TGIF2: variants seen among roughly 807,000 people sequenced by gnomAD.
TGIF2 encodes the protein homeobox protein TGIF2.
A neutral mutation model predicts 15.1 loss-of-function variants in TGIF2; 5 were observed. The ratio of observed to expected loss-of-function variants is 0.33; its 90% CI spans 0.17 to 0.70. The LOEUF (loss-of-function observed/expected upper bound fraction) is 0.70. Among genes scored for constraint, TGIF2 ranks in the 30% least tolerant of loss-of-function variants. The pLI, the probability that TGIF2 is intolerant of heterozygous loss-of-function variation, is 0.67. For synonymous variants in TGIF2, 131 were observed against 128.9 expected (o/e 1.02, Z -0.11); for missense variants, 264 against 302.5 (o/e 0.87, Z 0.94).
At chr20:36,581,532 C>A (rs1569532258) in intron 2 of TGIF2, among the ~76,000 whole-genome samples, 1 of 152,198 alleles carries the variant, frequency 6.6e-6, no homozygotes, top group Non-Finnish European at 1.5e-5. Context: ...GCACCTCACC[C>A]TGTCCTGTCA....
rs777025924 is a variant in TGIF2 at position 36,591,004 on chromosome 20, G to A, written c.287G>A (p.Arg96His). The A allele has an allele frequency of 4.4e-6, 7 of 1,592,234 alleles. No individual in the cohort carries two copies. The highest frequency in any genetic ancestry group is 3.4e-5 in the Admixed American group (2 of 58,506). ...KDPNQFTISR[R>H]GGKASDVALP... is the part of the protein sequence containing the mutation. ...CCTAATCAGTTTACCATTTCCCGCC[G>A]CGGGGGTAAGGCCTCAGATGTGGCC... The change falls in exon 3 of 3, where the codon CGC becomes CAC. Residue 96 changes from arginine (R) to histidine (H), a missense_variant. Coordinates refer to ENST00000373872, the MANE Select transcript of TGIF2 (RefSeq NM_021809.7). The surrounding 1 kb of genome is among the most constrained non-coding windows in gnomAD (Gnocchi z 5.3).
At chr20:36,587,322 C>CTGT (rs1248039579) in intron 2 of TGIF2, among the ~76,000 whole-genome samples, 1 of 152,156 alleles carries the variant, frequency 6.6e-6, no homozygotes, top group Non-Finnish European at 1.5e-5. Flanking sequence ...TTCTTGAACC[C>CTGT]TCAGCCAAAG....
At chr20:36,577,052 G>A (rs1279783655) in intron 1 of TGIF2, among the ~76,000 whole-genome samples, 1 of 151,446 alleles carries the variant, frequency 6.6e-6, no homozygotes, top group African/African-American at 2.4e-5. Flanking sequence ...TAATTATGTC[G>A]TCCAGGTTGA....
chr20:36,590,827 G>A, intron 2 of TGIF2, 83 bp from the exon 3 acceptor site: 2 of 1,422,728 alleles, frequency 1.4e-6, no homozygotes, highest in South Asian at 3.4e-5. Context: ...CCAAAGTGTT[G>A]GGATTACAGG....
intron 2 of TGIF2, among the ~76,000 whole-genome samples, chr20:36,579,726 C>T (rs1307785771): frequency 6.6e-6 from 1 of 152,168 alleles, no homozygotes; most frequent in Non-Finnish European, 1.5e-5. Context: ...TCCAGTTCTG[C>T]CTCACGTCTT....
At chr20:36,582,895 C>T (rs76748346) in intron 2 of TGIF2, among the ~76,000 whole-genome samples, 3,006 of 152,232 alleles carry the variant, frequency 0.02, 46 homozygotes, top group South Asian at 0.038. Flanking sequence ...GTACAAATAC[C>T]CCTTAAATAT....
In TGIF2 at chr20:36,591,121, A is replaced by C. The variant is rs1323716975; in HGVS notation, c.404A>C (p.His135Pro). 1.9e-6 allele frequency: 3 copies of C among 1,612,568 alleles called. No homozygotes were observed. In the South Asian group the frequency reaches 3.3e-5, roughly 18 times the overall value. The change falls in exon 3 of 3, where the codon CAC becomes CCC. Residue 135 changes from histidine (H) to proline (P), a missense_variant. Coordinates refer to ENST00000373872, the MANE Select transcript of TGIF2 (RefSeq NM_021809.7). This position sits in a 1 kb window ranked among gnomAD's most constrained non-coding sequence, Gnocchi z 5.3. ...LSLSVCSMPLHSGQGEKPAAP... is the reference protein window; with the variant it reads ...LSLSVCSMPLPSGQGEKPAAP... ...CTGTCTGTGTGCTCCATGCCGCTTC[A>C]CTCAGGCCAGGGGGAAAAGCCAGCA...
chr20:36,582,812 G>A (rs2038573370), intron 2 of TGIF2, among the ~76,000 whole-genome samples: 1 of 152,202 alleles, frequency 6.6e-6, no homozygotes, highest in Admixed American at 6.5e-5. Context: ...GTCAGCCCCA[G>A]CTGCACACCT....
chr20:36,578,704 C>T, intron 1 of TGIF2, 37 bp from the exon 2 acceptor site: 2 of 1,529,688 alleles, frequency 1.3e-6, no homozygotes, highest in Non-Finnish European at 8.8e-7. Context: ...GCGGTACGTG[C>T]TAATGATGTT....
intron 2 of TGIF2, among the ~76,000 whole-genome samples, chr20:36,587,426 C>T (rs2038682289): frequency 6.6e-6 from 1 of 152,102 alleles, no homozygotes; most frequent in African/African-American, 2.4e-5. Context: ...ACACTCCTTA[C>T]TTTGCTTGAC....
Position 36,590,529 on chromosome 20 carries a change from C to G in TGIF2, c.193-381C>G, listed in dbSNP as rs548722612. On this transcript the variant is annotated intron_variant, in intron 2 of 2. Coordinates refer to ENST00000373872, the MANE Select transcript of TGIF2 (RefSeq NM_021809.7). Reference sequence around the variant, plus strand: ...GAACCTCTGTGTTTTCTTCCATGTTCTGGGGTCCTGAGACATAGTAAGTGC... The same window carrying G: ...GAACCTCTGTGTTTTCTTCCATGTTGTGGGGTCCTGAGACATAGTAAGTGC... 7.6e-5 allele frequency among the ~76,000 whole-genome samples: 9 copies of G among 118,324 alleles called. No individual in the cohort carries two copies. In the South Asian group the frequency reaches 2.6e-3, roughly 35 times the overall value. The allele number at this position is 118,324 out of a possible 152,430, so 77.6% of individuals were successfully genotyped here. A position where few individuals can be genotyped will look rare whatever the true frequency, so the allele number is the denominator to read the frequency against.
At chr20:36,580,448 C>CA (rs2038520169) in intron 2 of TGIF2, among the ~76,000 whole-genome samples, 1 of 152,170 alleles carries the variant, frequency 6.6e-6, no homozygotes, top group Middle Eastern at 3.4e-3. Flanking sequence ...ATTATTCCCT[C>CA]ATCTGAAAAA....
chr20:36,574,726 CTG>C (rs1038573485), intron 1 of TGIF2: 4 of 152,218 alleles, frequency 2.6e-5, no homozygotes, highest in South Asian at 2.1e-4. Context: ...GGTGTGGGGA[CTG>C]TGGGGTGCAA....
Position 36,592,600 on chromosome 20 carries a change from T to TG in TGIF2, c.*1173dup, listed in dbSNP as rs2038786862. 6.6e-6 allele frequency: 1 copy of TG among 152,354 alleles called. No individual in the cohort carries two copies. Among genetic ancestry groups the TG allele is most frequent in the South Asian group, 2.1e-4 (1 of 4,818 alleles). The allele number at this position is 152,354 out of a possible 1,614,324, so 9.4% of individuals were successfully genotyped here. A position where few individuals can be genotyped will look rare whatever the true frequency, so the allele number is the denominator to read the frequency against. Reference sequence around the variant, plus strand: ...TTCCCACAATGGTGGCAGGAAACTTTGGGGAAAGCAGGAATGGTGTCCACT... The same window carrying TG: ...TTCCCACAATGGTGGCAGGAAACTTTGGGGGAAAGCAGGAATGGTGTCCACT... On this transcript the variant is annotated 3_prime_UTR_variant, in exon 3 of 3. Coordinates refer to ENST00000373872, the MANE Select transcript of TGIF2 (RefSeq NM_021809.7).
At position 36,591,592 on chromosome 20, in the gene TGIF2, C is replaced by A; in HGVS notation, c.*161C>A. 1.3e-6 allele frequency: 1 copy of A among 771,016 alleles called. No individual in the cohort carries two copies. Among genetic ancestry groups the A allele is most frequent in the Non-Finnish European group, 2.0e-6 (1 of 490,582 alleles). The allele number at this position is 771,016 out of a possible 1,614,324, so 47.8% of individuals were successfully genotyped here. ...AGGAAGATGCCAGCTGGCACCACTGCACTGTGATGGGGGCCCTCTCCTCTG... is the reference window on the plus strand; with the variant it reads ...AGGAAGATGCCAGCTGGCACCACTGAACTGTGATGGGGGCCCTCTCCTCTG... On this transcript the variant is annotated 3_prime_UTR_variant, in exon 3 of 3. Coordinates refer to ENST00000373872, the MANE Select transcript of TGIF2 (RefSeq NM_021809.7). The surrounding 1 kb of genome is among the most constrained non-coding windows in gnomAD (Gnocchi z 5.3).
At chr20:36,583,992 G>A (rs1051163952) in intron 2 of TGIF2, among the ~76,000 whole-genome samples, 6 of 152,146 alleles carry the variant, frequency 3.9e-5, no homozygotes, top group Admixed American at 6.5e-5. Flanking sequence ...GCTTGAACTC[G>A]GGAGGCAGAG....
chr20:36,578,891 G>T lies in TGIF2; in HGVS notation c.117G>T (p.Leu39Phe). Residue 39 changes from leucine (L) to phenylalanine (F), a missense_variant, in exon 2 of 3, where the codon TTG becomes TTT. Coordinates refer to ENST00000373872, the MANE Select transcript of TGIF2 (RefSeq NM_021809.7). ...SVKILRDWLYLHRYNAYPSEQ... is the reference protein window; with the variant it reads ...SVKILRDWLYFHRYNAYPSEQ... ...AGATCCTCCGGGACTGGCTGTACTT[G>T]CACCGCTACAACGCCTACCCCTCAG... 2 of 1,614,158 alleles carry T rather than the reference G, an allele frequency of 1.2e-6. No homozygotes were observed. Among genetic ancestry groups the T allele is most frequent in the Non-Finnish European group, 1.7e-6 (2 of 1,180,014 alleles).
chr20:36,589,818 A>G (rs533042451), intron 2 of TGIF2, among the ~76,000 whole-genome samples: 1 of 152,198 alleles, frequency 6.6e-6, no homozygotes, highest in East Asian at 1.9e-4. Context: ...CCTCGCAAGT[A>G]GCCGAGACTA....
At chr20:36,579,520 C>G (rs979532084) in intron 2 of TGIF2, among the ~76,000 whole-genome samples, 5 of 152,134 alleles carry the variant, frequency 3.3e-5, no homozygotes, top group African/African-American at 1.2e-4. Context: ...TTGTCAAAGT[C>G]TAGGTGTCAT....
Sources: gnomAD v4.1 joint callset for allele counts (sites outside exome capture counted in the v4.1 genomes callset) on GRCh38, gnomAD v4.1.1 for gene constraint, Gnocchi (gnomAD v3.1) non-coding constraint, MANE v1.5 for transcripts, NCBI Gene and HGNC (gene_info 2026-07-23, HGNC 2026-07-21) for gene names.